Variants in CAMTA1 observed in about 807,000 individuals in gnomAD.
CAMTA1 encodes calmodulin binding transcription activator 1.
Under a neutral mutation model 170.9 loss-of-function variants are expected in CAMTA1, and 27 were observed. That is an observed-to-expected ratio of 0.16 (90% confidence interval 0.12 to 0.22). The LOEUF (loss-of-function observed/expected upper bound fraction) is 0.22, where lower values mean the gene tolerates loss of function less well. Ranked by LOEUF, CAMTA1 falls within the 10% of genes least tolerant of loss-of-function variation. The pLI is 1.00. For missense variants in CAMTA1, 1,619 were observed against 2,217.2 expected (o/e 0.73, Z 5.42); for synonymous variants, 833 against 891.5 (o/e 0.93, Z 1.17).
At chr1:7,749,533 G>GT (rs1558295690) in intron 19 of CAMTA1, among the ~76,000 whole-genome samples, 2 of 151,100 alleles carry the variant, frequency 1.3e-5, no homozygotes, top group African/African-American at 4.9e-5. Context: ...TATGAGTTTG[G>GT]TTTTTTAAAA....
At chr1:7,024,157 A>G (rs2100997521) in intron 3 of CAMTA1, among the ~76,000 whole-genome samples, 1 of 152,340 alleles carries the variant, frequency 6.6e-6, no homozygotes, top group Admixed American at 6.5e-5. Flanking sequence ...AAGGTCCAGC[A>G]CATATCTAAT....
At chr1:6,812,052 C>T (rs540102108) in intron 1 of CAMTA1, among the ~76,000 whole-genome samples, 1 of 152,336 alleles carries the variant, frequency 6.6e-6, no homozygotes, top group South Asian at 2.1e-4. Context: ...GCTCTCTTCT[C>T]CTTCAGGATG....
chr1:7,404,375 A>G (rs528173950), intron 5 of CAMTA1, among the ~76,000 whole-genome samples: 1 of 152,302 alleles, frequency 6.6e-6, no homozygotes, highest in Admixed American at 6.5e-5. Flanking sequence ...GTACAATTCT[A>G]TATGCATTTG....
At chr1:7,496,323 G>A (rs1014221838) in intron 6 of CAMTA1, among the ~76,000 whole-genome samples, 1 of 152,194 alleles carries the variant, frequency 6.6e-6, no homozygotes, top group South Asian at 2.1e-4. Context: ...GTGACTTTCC[G>A]GGTATGGGCG....
In CAMTA1 at chr1:7,561,554, G is replaced by A. The variant is rs967300884; in HGVS notation, c.511-78846G>A. Among the ~76,000 whole-genome samples, 8 of 151,912 alleles carry A rather than the reference G, an allele frequency of 5.3e-5. No individual in the cohort carries two copies. The highest frequency in any genetic ancestry group is 1.2e-4 in the Non-Finnish European group (8 of 67,956). On this transcript the variant is annotated intron_variant, in intron 6 of 22. Transcript: ENST00000303635. This position sits in a 1 kb window ranked among gnomAD's most constrained non-coding sequence, Gnocchi z 5.3. The stretch of plus-strand genomic sequence containing the variant: ...CCTCTTGCCTGTAAACTCGTTGCAG[G>A]CGCAGGGATGGGCTGGTTCAGGGAG...
intron 4 of CAMTA1, among the ~76,000 whole-genome samples, chr1:7,225,349 G>T (rs1269072133): frequency 6.6e-6 from 1 of 152,174 alleles, no homozygotes; most frequent in African/African-American, 2.4e-5. Flanking sequence ...CTCCTAAAGT[G>T]TTGGGATTAC....
chr1:7,609,605 G>A lies in CAMTA1; in HGVS notation c.511-30795G>A, dbSNP rs887832859. 2.6e-5 allele frequency among the ~76,000 whole-genome samples: 4 copies of A among 152,186 alleles called. No individual in the cohort carries two copies. The highest frequency in any genetic ancestry group is 6.5e-5 in the Admixed American group (1 of 15,280). Reference sequence around the variant, plus strand: ...GCCAGGCCATGGCACAAAAGGGGAGGGGAGCAGGGTCCTGGCTGTCACCCA... The same window carrying A: ...GCCAGGCCATGGCACAAAAGGGGAGAGGAGCAGGGTCCTGGCTGTCACCCA... On this transcript the variant is annotated intron_variant, in intron 6 of 22. Transcript: ENST00000303635. The surrounding 1 kb of genome is among the most constrained non-coding windows in gnomAD (Gnocchi z 4.4).
intron 5 of CAMTA1, among the ~76,000 whole-genome samples, chr1:7,341,253 G>A (rs913852602): frequency 5.3e-5 from 8 of 152,182 alleles, no homozygotes; most frequent in Non-Finnish European, 1.0e-4. Flanking sequence ...CTCCTTCCCA[G>A]GCATGTGGGG....
chr1:7,493,448 C>CATACAA lies in CAMTA1; in HGVS notation c.510+25548_510+25549insTACAAA, dbSNP rs1235438419. ...ACACATGCACACACAAACATACAAA[C>CATACAA]ACACGTGCAAACACACAAAAACATA... On this transcript the variant is annotated intron_variant, in intron 6 of 22. Transcript: ENST00000303635. Among the ~76,000 whole-genome samples, 618 of 139,472 alleles carry CATACAA rather than the reference C, an allele frequency of 4.4e-3. 5 individuals carry two copies. Among genetic ancestry groups the CATACAA allele is most frequent in the African/African-American group, 0.016 (583 of 36,292 alleles). 91.5% of individuals were successfully genotyped at this position (139,472 alleles called of 152,430 possible).
intron 11 of CAMTA1, among the ~76,000 whole-genome samples, chr1:7,729,769 T>C (rs913210246): frequency 3.3e-5 from 5 of 152,180 alleles, no homozygotes; most frequent in Non-Finnish European, 5.9e-5. Context: ...AGTAAATGAG[T>C]TAATATCTGC....
intron 6 of CAMTA1, among the ~76,000 whole-genome samples, chr1:7,577,489 A>G (rs1576185329): frequency 6.6e-6 from 1 of 151,724 alleles, no homozygotes; most frequent in African/African-American, 2.4e-5. Context: ...ATTCTCACTC[A>G]CCAGCCGGCC....
intron 3 of CAMTA1, among the ~76,000 whole-genome samples, chr1:6,869,952 T>C (rs1667903784): frequency 6.6e-6 from 1 of 152,098 alleles, no homozygotes; most frequent in Non-Finnish European, 1.5e-5. Flanking sequence ...TAGAAGACTT[T>C]AAAAAAGCAT....
chr1:6,888,202 T>C, intron 3 of CAMTA1: 1 of 986,336 alleles, frequency 1.0e-6, no homozygotes, highest in Non-Finnish European at 1.2e-6. Context: ...GTTGAACGAA[T>C]GTGTGGGTCA....
intron 6 of CAMTA1, among the ~76,000 whole-genome samples, chr1:7,589,840 T>G (rs756475008): frequency 1.2e-4 from 19 of 152,148 alleles, no homozygotes; most frequent in Non-Finnish European, 2.5e-4. Flanking sequence ...GGCCCCTCCA[T>G]CAATGCTGCC....
At chr1:7,417,712 C>T (rs2091284430) in intron 5 of CAMTA1, among the ~76,000 whole-genome samples, 1 of 152,174 alleles carries the variant, frequency 6.6e-6, no homozygotes, top group South Asian at 2.1e-4. Flanking sequence ...ACTCCCTGAC[C>T]CCTTGTACTT....
chr1:7,136,885 C>T (rs6702815), intron 4 of CAMTA1, among the ~76,000 whole-genome samples: 12,689 of 152,194 alleles, frequency 0.083, 897 homozygotes, highest in African/African-American at 0.18. Flanking sequence ...TCATCTTCTC[C>T]GTTTCTCTAC....
At chr1:6,907,383 C>A (rs930563074) in intron 3 of CAMTA1, among the ~76,000 whole-genome samples, 1 of 152,124 alleles carries the variant, frequency 6.6e-6, no homozygotes, top group Non-Finnish European at 1.5e-5. Flanking sequence ...CTGCCCTCCC[C>A]CCGCTGTCCC....
At chr1:7,098,862 G>T (rs1222037570) in intron 4 of CAMTA1, among the ~76,000 whole-genome samples, 1 of 152,028 alleles carries the variant, frequency 6.6e-6, no homozygotes, top group Non-Finnish European at 1.5e-5. Context: ...ACCAGTCCAG[G>T]GCTCATGTCC....
At chr1:7,031,143 G>A (rs901171744) in intron 3 of CAMTA1, among the ~76,000 whole-genome samples, 1 of 149,744 alleles carries the variant, frequency 6.7e-6, no homozygotes, top group Admixed American at 6.7e-5. Flanking sequence ...ATGTTTACTT[G>A]TTTTATTGAT....
Sources: allele counts gnomAD v4.1 joint callset (sites outside exome capture counted in the v4.1 genomes callset), GRCh38; gene constraint gnomAD v4.1.1; non-coding constraint Gnocchi (gnomAD v3.1); transcripts MANE v1.5; gene names NCBI Gene and HGNC (gene_info 2026-07-23, HGNC 2026-07-21).